The following SHANK2 variants were observed in gnomAD, a reference collection of about 807,000 sequenced individuals.
SHANK2 encodes SH3 and multiple ankyrin repeat domains protein 2.
In SHANK2, 43 loss-of-function variants were observed where a neutral mutation model predicts 133.7. The ratio of observed to expected loss-of-function variants is 0.32; its 90% confidence interval spans 0.25 to 0.41. The LOEUF (loss-of-function observed/expected upper bound fraction) is 0.41. SHANK2 is among the 10% of genes least tolerant of loss of function. The probability of loss-of-function intolerance (pLI) is 1.00; values close to 1 mark genes in which losing one functional copy is unlikely to be tolerated. For synonymous variants in SHANK2, 1,017 were observed against 952.8 expected, an observed-to-expected ratio of 1.07 and a Z score of -1.24; for missense variants, 1,994 against 2,235.8, an observed-to-expected ratio of 0.89 and a Z score of 2.18.
At chr11:70,501,973 T>C (rs781838029) in intron 19 of SHANK2, 42 bp from the exon 20 acceptor site, 2 of 1,551,018 alleles carry the variant, frequency 1.3e-6, no homozygotes, top group African/African-American at 1.4e-5. Context: ...CAATGTTAGA[T>C]AAACAGAAAA....
intron 17 of SHANK2, among the ~76,000 whole-genome samples, chr11:70,573,553 G>T (rs1048447467): frequency 7.0e-4 from 85 of 122,190 alleles, no homozygotes; most frequent in African/African-American, 2.2e-3. Context: ...TGGGGGCGGG[G>T]GGGGGGTGGG....
Position 70,807,156 on chromosome 11 carries a change from A to G in SHANK2, c.1509T>C (p.Leu503=). Residue 503 remains leucine, a synonymous_variant, in exon 13 of 26, where the codon CTT becomes CTC. Transcript: ENST00000601538. This position sits in a 1 kb window ranked among gnomAD's most constrained non-coding sequence, Gnocchi z 4.8. ...CCGAGAGTGAGTCCTTGTTGGCACC[A>G]AGAGCAAAAGGCGACCTGGACCAGG... is the stretch of plus-strand genomic sequence containing the variant. The part of the protein sequence containing the change: ...PLWHVGSPFA[L]GANKDSLSAF... The G allele has an allele frequency of 1.4e-6, 1 of 717,666 alleles. No individual in the cohort carries two copies. The allele number at this position is 717,666 out of a possible 1,614,324, so 44.5% of individuals were successfully genotyped here.
intron 17 of SHANK2, among the ~76,000 whole-genome samples, chr11:70,505,859 G>A (rs1307340373): frequency 1.3e-5 from 2 of 151,944 alleles, no homozygotes; most frequent in African/African-American, 2.4e-5. Context: ...TAACCATCAC[G>A]GCCTTGGGCT....
intron 14 of SHANK2, among the ~76,000 whole-genome samples, chr11:70,735,748 G>A (rs543760159): frequency 7.4e-4 from 111 of 150,928 alleles, no homozygotes; most frequent in Admixed American, 2.0e-3. Flanking sequence ...GTGGGAGGCC[G>A]AGTACTCCTT....
At chr11:70,907,448 A>G (rs1590819543) in intron 10 of SHANK2, among the ~76,000 whole-genome samples, 1 of 152,216 alleles carries the variant, frequency 6.6e-6, no homozygotes, top group East Asian at 1.9e-4. Context: ...TAGCACCGAT[A>G]CCAAAGACAA....
intron 17 of SHANK2, among the ~76,000 whole-genome samples, chr11:70,628,203 A>T (rs1262876343): frequency 6.6e-6 from 1 of 152,064 alleles, no homozygotes; most frequent in Non-Finnish European, 1.5e-5. Context: ...CAGGTGATCC[A>T]CCCGCTTCAG....
At chr11:70,840,398 TC>T (rs1255924315) in intron 11 of SHANK2, among the ~76,000 whole-genome samples, 2 of 152,076 alleles carry the variant, frequency 1.3e-5, no homozygotes, top group Non-Finnish European at 2.9e-5. Context: ...AGCCTCAGTT[TC>T]CCCATATATC....
intron 14 of SHANK2, among the ~76,000 whole-genome samples, chr11:70,704,928 G>A (rs782169269): frequency 2.6e-5 from 4 of 152,096 alleles, no homozygotes; most frequent in Non-Finnish European, 5.9e-5. Context: ...TTGAGAGGAA[G>A]TGAATTCTGT....
At chr11:71,065,890 C>T (rs1353790038) in intron 9 of SHANK2, among the ~76,000 whole-genome samples, 17 of 77,634 alleles carry the variant, frequency 2.2e-4, no homozygotes, top group Admixed American at 5.5e-4. Flanking sequence ...GGGGGGGATA[C>T]AGAACTCTCC....
intron 3 of SHANK2, among the ~76,000 whole-genome samples, chr11:71,135,474 G>A (rs1477876122): frequency 1.3e-5 from 2 of 149,806 alleles, no homozygotes; most frequent in African/African-American, 4.9e-5. Context: ...CCAGACTAGG[G>A]GGGATATGTT....
intron 25 of SHANK2, among the ~76,000 whole-genome samples, chr11:70,477,883 A>G (rs1239869495): frequency 6.6e-6 from 1 of 152,192 alleles, no homozygotes; most frequent in African/African-American, 2.4e-5. Context: ...TCCCGGTTGC[A>G]CAGATGGTTA....
intron 3 of SHANK2, among the ~76,000 whole-genome samples, chr11:71,143,808 C>A (rs1952598129): frequency 6.6e-6 from 1 of 152,018 alleles, no homozygotes; most frequent in African/African-American, 2.4e-5. Context: ...TATGGTCAAA[C>A]ATGTGACCAG....
chr11:71,246,139 G>A (rs576996553), intron 1 of SHANK2, among the ~76,000 whole-genome samples: 2 of 152,008 alleles, frequency 1.3e-5, no homozygotes, highest in South Asian at 2.1e-4. Flanking sequence ...GACAGGCTTG[G>A]AAGCTCATTT....
At chr11:70,851,457 G>C (rs1407397124) in intron 11 of SHANK2, among the ~76,000 whole-genome samples, 1 of 152,192 alleles carries the variant, frequency 6.6e-6, no homozygotes, top group Non-Finnish European at 1.5e-5. Flanking sequence ...TGTCCTTATA[G>C]GAAAAGGGAA....
At chr11:71,172,337 C>T (rs1953331465) in intron 2 of SHANK2, among the ~76,000 whole-genome samples, 1 of 152,086 alleles carries the variant, frequency 6.6e-6, no homozygotes, top group Non-Finnish European at 1.5e-5. Context: ...AGCCGCCGGG[C>T]ACGGTGGCTC....
At chr11:71,172,940 C>T (rs1190672080) in intron 2 of SHANK2, among the ~76,000 whole-genome samples, 1 of 152,216 alleles carries the variant, frequency 6.6e-6, no homozygotes, top group Non-Finnish European at 1.5e-5. Context: ...TTCAAAGACA[C>T]TCTCGTGGGC....
At position 70,715,762 on chromosome 11, in the gene SHANK2, G is replaced by A. The variant is rs554294226; in HGVS notation, c.1778-16999C>T. On this transcript the variant is annotated intron_variant, in intron 14 of 25. Coordinates refer to ENST00000601538, the MANE Select transcript of SHANK2 (RefSeq NM_012309.5). The stretch of plus-strand genomic sequence containing the variant: ...GAGTGTCCATGCCGAAGCAGGCTCC[G>A]TTTCCAGAATGGCTCTCTCTCCTCT... Among the ~76,000 whole-genome samples, 46 of 152,310 alleles carry A rather than the reference G, an allele frequency of 3.0e-4. No individual in the cohort carries two copies. In the East Asian group the frequency reaches 3.1e-3, roughly 10 times the overall value.
chr11:70,777,950 G>GAC (rs1347707530), intron 14 of SHANK2, among the ~76,000 whole-genome samples: 65 of 152,180 alleles, frequency 4.3e-4, no homozygotes, highest in African/African-American at 1.5e-3. Flanking sequence ...TGGCTGTCCA[G>GAC]ACACACACAA....
intron 11 of SHANK2, among the ~76,000 whole-genome samples, chr11:70,849,754 C>T (rs1161975506): frequency 6.6e-6 from 1 of 152,104 alleles, no homozygotes; most frequent in Admixed American, 6.5e-5. Context: ...TAATAGCTGC[C>T]ATTTATCAAG....
Sources: gnomAD v4.1 joint callset for allele counts (sites outside exome capture counted in the v4.1 genomes callset) on GRCh38, gnomAD v4.1.1 for gene constraint, Gnocchi (gnomAD v3.1) non-coding constraint, MANE v1.5 for transcripts, NCBI Gene and HGNC (gene_info 2026-07-23, HGNC 2026-07-21) for gene names.